The following SEPSECS variants were observed in gnomAD, a reference collection of about 807,000 sequenced individuals.
The protein encoded by SEPSECS is O-phosphoseryl-tRNA(Sec) selenium transferase.
Under a neutral mutation model 52.1 loss-of-function variants are expected in SEPSECS, and 42 were observed. That is an observed-to-expected ratio of 0.81 (90% CI 0.63 to 1.04). The LOEUF is 1.04. Ranked by LOEUF, SEPSECS falls within the 50% of genes least tolerant of loss-of-function variation. The pLI, the probability that SEPSECS is intolerant of heterozygous loss-of-function variation, is 0.00. For synonymous variants in SEPSECS, 216 were observed against 211.4 expected, an observed-to-expected ratio of 1.02 and a Z score of -0.19; for missense variants, 590 against 610.6, an observed-to-expected ratio of 0.97 and a Z score of 0.36.
At position 25,123,673 on chromosome 4, in the gene SEPSECS, CTTAA is replaced by C. The variant is rs577008196; in HGVS notation, c.*254_*257del. The C allele has an allele frequency of 2.3e-3, 1,092 of 477,666 alleles. 10 individuals carry two copies. Among genetic ancestry groups the C allele is most frequent in the African/African-American group, 0.019 (996 of 51,626 alleles). 29.6% of individuals were successfully genotyped at this position (477,666 alleles called of 1,614,324 possible). A position where few individuals can be genotyped will look rare whatever the true frequency, so the allele number is the denominator to read the frequency against. On this transcript the variant is annotated 3_prime_UTR_variant, in exon 11 of 11. Transcript: ENST00000382103. ...AGTAAAAATTATCTGAGTCATGATG[CTTAA>C]TTGACAGATATTCTAACAATTAGAA...
intron 8 of SEPSECS, among the ~76,000 whole-genome samples, chr4:25,130,924 C>A (rs1210777856): frequency 1.3e-5 from 2 of 152,074 alleles, no homozygotes; most frequent in Non-Finnish European, 2.9e-5. Flanking sequence ...GCAACCCAAG[C>A]AAATGTATAT....
chr4:25,153,735 T>G (rs565913791), intron 5 of SEPSECS, among the ~76,000 whole-genome samples: 3 of 152,158 alleles, frequency 2.0e-5, no homozygotes, highest in South Asian at 4.1e-4. Context: ...AATTCAAACA[T>G]TACTGTGCAT....
intron 8 of SEPSECS, among the ~76,000 whole-genome samples, chr4:25,136,256 G>A (rs1032623667): frequency 2.0e-5 from 3 of 152,196 alleles, no homozygotes; most frequent in Non-Finnish European, 4.4e-5. Context: ...AAGAGAGGAA[G>A]TCAAACTGTC....
rs1375577689 is a variant in SEPSECS, at chr4:25,120,674, A to AT, written c.*3256dup. ...TTAAGGGTCTGGCAGAGGTTAGTAC[A>AT]TCTCAGAAAGTGGGAAAAGGAAACC... On this transcript the variant is annotated 3_prime_UTR_variant, in exon 11 of 11. Transcript: ENST00000382103. The AT allele has an allele frequency of 6.6e-6, 1 of 152,194 alleles. No individual in the cohort carries two copies. The highest frequency in any genetic ancestry group is 1.5e-5 in the Non-Finnish European group (1 of 68,000). 9.4% of individuals were successfully genotyped at this position (152,194 alleles called of 1,614,324 possible). A position where few individuals can be genotyped will look rare whatever the true frequency, so the allele number is the denominator to read the frequency against.
chr4:25,155,114 A>G lies in SEPSECS; in HGVS notation c.585T>C (p.Gly195=), dbSNP rs1712544270. 1 of 1,614,148 alleles carries G rather than the reference A, an allele frequency of 6.2e-7. No homozygotes were observed. Among genetic ancestry groups the G allele is most frequent in the Non-Finnish European group, 8.5e-7 (1 of 1,180,008 alleles). ...EPVVIENVLE[G]DELRTDLKAV... ...CTTTCAGGTCTGTACGCAGCTCGTC[A>G]CCTTCCAAAACATTTTCTATCACCA... Residue 195 remains glycine, a synonymous_variant, in exon 5 of 11, where the codon GGT becomes GGC. Coordinates refer to ENST00000382103, the MANE Select transcript of SEPSECS (RefSeq NM_016955.4).
At chr4:25,134,273 G>A (rs1221304792) in intron 8 of SEPSECS, among the ~76,000 whole-genome samples, 1 of 151,654 alleles carries the variant, frequency 6.6e-6, no homozygotes, top group Non-Finnish European at 1.5e-5. Context: ...GAGCTCAGGA[G>A]TTCAAGCCCA....
At chr4:25,127,178 AAG>A (rs1728410966) in intron 9 of SEPSECS, 84 bp downstream of exon 9, 2 of 808,280 alleles carry the variant, frequency 2.5e-6, no homozygotes, top group Admixed American at 4.4e-5. Context: ...TATAACTAGA[AAG>A]AGTTTTCTCT....
intron 8 of SEPSECS, among the ~76,000 whole-genome samples, chr4:25,139,012 C>T (rs1190333480): frequency 6.6e-6 from 1 of 152,198 alleles, no homozygotes; most frequent in Non-Finnish European, 1.5e-5. Flanking sequence ...TACCTTAGGA[C>T]CACACCACGA....
At chr4:25,157,606 G>T (rs1254153716) in intron 2 of SEPSECS, among the ~76,000 whole-genome samples, 2 of 150,118 alleles carry the variant, frequency 1.3e-5, no homozygotes, top group Admixed American at 6.7e-5. Context: ...GTGCAGTGGC[G>T]CGATCTCGGC....
intron 6 of SEPSECS, among the ~76,000 whole-genome samples, chr4:25,145,697 T>G (rs1428027577): frequency 1.3e-5 from 2 of 152,232 alleles, no homozygotes; most frequent in Non-Finnish European, 2.9e-5. Context: ...TAAGTGGTTT[T>G]AAACATCCTC....
At chr4:25,137,200 C>G (rs530009464) in intron 8 of SEPSECS, among the ~76,000 whole-genome samples, 5 of 152,106 alleles carry the variant, frequency 3.3e-5, no homozygotes, top group Admixed American at 1.3e-4. Flanking sequence ...GCAACAAAAG[C>G]AAACATTAAC....
At chr4:25,143,262 A>G (rs1711716352) in intron 8 of SEPSECS, among the ~76,000 whole-genome samples, 2 of 152,206 alleles carry the variant, frequency 1.3e-5, no homozygotes, top group Admixed American at 6.5e-5. Context: ...GCCCACTTCT[A>G]TGAATTTTGA....
At chr4:25,143,081 G>T (rs114368922) in intron 8 of SEPSECS, among the ~76,000 whole-genome samples, 1 of 152,154 alleles carries the variant, frequency 6.6e-6, no homozygotes, top group Non-Finnish European at 1.5e-5. Flanking sequence ...CTGTTTTCTT[G>T]AAAGATTTGC....
chr4:25,158,039 G>A (rs112572413), intron 2 of SEPSECS, among the ~76,000 whole-genome samples: 10 of 152,092 alleles, frequency 6.6e-5, no homozygotes, highest in African/African-American at 2.2e-4. Flanking sequence ...AAACCCTTTC[G>A]TAATTTGAGT....
Position 25,144,880 on chromosome 4 carries a change from A to C in SEPSECS, c.935-15T>G. On this transcript the variant is annotated splice_polypyrimidine_tract_variant and intron_variant, in intron 7 of 10. Coordinates refer to ENST00000382103, the MANE Select transcript of SEPSECS (RefSeq NM_016955.4). The stretch of plus-strand genomic sequence containing the variant: ...TGAAGCTCTTCCTGAAATAAGAAGG[A>C]TAAGTTACATTAAGACTGTGGTGGG... 1 of 1,602,350 alleles carries C rather than the reference A, an allele frequency of 6.2e-7. No homozygotes were observed. The highest frequency in any genetic ancestry group is 1.1e-5 in the South Asian group (1 of 90,826).
Position 25,157,638 on chromosome 4 carries a change from A to G in SEPSECS, c.270-664T>C, listed in dbSNP as rs537448897. Among the ~76,000 whole-genome samples, 81 of 146,562 alleles carry G rather than the reference A, an allele frequency of 5.5e-4. No homozygotes were observed. The South Asian group carries it at 9.0e-3, about 16-fold the overall frequency. ...CGGCTCATTGCAAGCTCCACCTCCC[A>G]GGTTCCCGCCATTCTCCTGCCTCAG... On this transcript the variant is annotated intron_variant, in intron 2 of 10. Coordinates refer to ENST00000382103, the MANE Select transcript of SEPSECS (RefSeq NM_016955.4).
At chr4:25,135,987 T>G (rs1728825917) in intron 8 of SEPSECS, among the ~76,000 whole-genome samples, 1 of 152,168 alleles carries the variant, frequency 6.6e-6, no homozygotes, top group South Asian at 2.1e-4. Context: ...GAAAATACCT[T>G]TGGTAAAATT....
At chr4:25,159,978 C>G in intron 1 of SEPSECS, 1 of 985,414 alleles carries the variant, frequency 1.0e-6, no homozygotes, top group Non-Finnish European at 1.2e-6. Context: ...TACACTGGGA[C>G]TTTCCCTCAC....
At chr4:25,145,797 C>T (rs1711928371) in intron 6 of SEPSECS, among the ~76,000 whole-genome samples, 1 of 152,170 alleles carries the variant, frequency 6.6e-6, no homozygotes, top group Non-Finnish European at 1.5e-5. Flanking sequence ...CTCTTTAATG[C>T]TTGGACAATC....
Sources: allele counts gnomAD v4.1 joint callset (sites outside exome capture counted in the v4.1 genomes callset), GRCh38; gene constraint gnomAD v4.1.1; transcripts MANE v1.5; gene names NCBI Gene and HGNC (gene_info 2026-07-23, HGNC 2026-07-21).